The following CA8 variants were observed in gnomAD, a reference collection of about 807,000 sequenced individuals.
CA8 encodes carbonic anhydrase 8 (inactive).
In CA8, 22 loss-of-function variants were observed where a neutral mutation model predicts 41.4. The ratio of observed to expected loss-of-function variants is 0.53; its 90% CI spans 0.38 to 0.76. The LOEUF (loss-of-function observed/expected upper bound fraction) is 0.76, where lower values mean the gene tolerates loss of function less well. Ranked by LOEUF, CA8 falls within the 30% of genes least tolerant of loss-of-function variation. CA8 has a pLI of 0.00. For missense variants in CA8, 270 were observed against 352.8 expected (o/e 0.77, Z 1.88); for synonymous variants, 121 against 130.6 (o/e 0.93, Z 0.50).
At chr8:60,256,057 G>A (rs1009304662) in intron 3 of CA8, among the ~76,000 whole-genome samples, 1 of 151,634 alleles carries the variant, frequency 6.6e-6, no homozygotes, top group Non-Finnish European at 1.5e-5. Context: ...TAAGGCACGT[G>A]CCTATATGCC....
chr8:60,280,666 C>A (rs1184835722), intron 1 of CA8, among the ~76,000 whole-genome samples: 1 of 152,242 alleles, frequency 6.6e-6, no homozygotes, highest in East Asian at 1.9e-4. Flanking sequence ...AAAACGAATT[C>A]TTCACGCTAA....
At chr8:60,217,434 CAT>C (rs1417401792) in intron 7 of CA8, among the ~76,000 whole-genome samples, 5 of 152,188 alleles carry the variant, frequency 3.3e-5, no homozygotes, top group Non-Finnish European at 5.9e-5. Context: ...CTAACCATCA[CAT>C]GAGTCTCCTG....
chr8:60,258,145 T>C (rs1468586211), intron 3 of CA8, among the ~76,000 whole-genome samples: 1 of 152,024 alleles, frequency 6.6e-6, no homozygotes, highest in African/African-American at 2.4e-5. Context: ...CACTTAAGAG[T>C]CTTCTCAGAG....
At chr8:60,241,353 A>T (rs1563364171) in intron 3 of CA8, among the ~76,000 whole-genome samples, 2 of 152,262 alleles carry the variant, frequency 1.3e-5, no homozygotes, top group Non-Finnish European at 2.9e-5. Context: ...AAATAGGGGA[A>T]TGTGACAGAG....
chr8:60,202,163 CCT>C (rs1156833817), intron 8 of CA8, among the ~76,000 whole-genome samples: 1 of 151,838 alleles, frequency 6.6e-6, no homozygotes, highest in Non-Finnish European at 1.5e-5. Flanking sequence ...CCTGCCTCAG[CCT>C]CCTGAGTAGC....
intron 3 of CA8, among the ~76,000 whole-genome samples, chr8:60,253,353 T>G (rs531545644): frequency 6.6e-6 from 1 of 152,322 alleles, no homozygotes; most frequent in Non-Finnish European, 1.5e-5. Flanking sequence ...CTCCCTTTTT[T>G]TTCTATTAAG....
intron 2 of CA8, among the ~76,000 whole-genome samples, chr8:60,270,264 T>A (rs1804027024): frequency 6.6e-6 from 1 of 152,192 alleles, no homozygotes; most frequent in African/African-American, 2.4e-5. Context: ...GCTGCTATCA[T>A]GCCCAGTTAC....
At chr8:60,231,638 C>G (rs1008276717) in intron 4 of CA8, among the ~76,000 whole-genome samples, 1 of 152,178 alleles carries the variant, frequency 6.6e-6, no homozygotes, top group Non-Finnish European at 1.5e-5. Flanking sequence ...ACCTCTAAAT[C>G]TTTTACGATG....
chr8:60,248,314 G>A (rs564466937), intron 3 of CA8, among the ~76,000 whole-genome samples: 14 of 152,244 alleles, frequency 9.2e-5, no homozygotes, highest in Non-Finnish European at 1.3e-4. Context: ...TTTCCGTCAC[G>A]AAATCTTTGC....
chr8:60,279,790 G>A lies in CA8; in HGVS notation c.191C>T (p.Ser64Leu), dbSNP rs1272473136. The change falls in exon 2 of 9, where the codon TCG (serine) becomes TTG (leucine). Residue 64 changes from serine (S) to leucine (L), a missense_variant. Physicochemically the swap from Ser to Leu is moderately radical, Grantham distance 145. Transcript: ENST00000317995. ...LNSREARYDP[S>L]LLDVRLSPNY... ...TGGGGAGAGGCGGACATCCAACAGC[G>A]AGGGGTCATACCTAGCCTCTCTTGA... 5 of 1,614,134 alleles carry A rather than the reference G, an allele frequency of 3.1e-6. No individual in the cohort carries two copies. The South Asian group carries it at 3.3e-5, about 11-fold the overall frequency.
intron 3 of CA8, among the ~76,000 whole-genome samples, chr8:60,253,567 T>A (rs1002576504): frequency 3.3e-5 from 5 of 152,098 alleles, no homozygotes; most frequent in Admixed American, 3.3e-4. Flanking sequence ...CTCGCTGACA[T>A]CATCTACCTG....
chr8:60,262,168 T>C (rs1803753986), intron 3 of CA8, among the ~76,000 whole-genome samples: 1 of 152,126 alleles, frequency 6.6e-6, no homozygotes, highest in Admixed American at 6.5e-5. Context: ...GCAGCAAAGA[T>C]GGCAGTGTCC....
intron 3 of CA8, among the ~76,000 whole-genome samples, chr8:60,249,958 T>C (rs913204500): frequency 2.0e-5 from 3 of 152,194 alleles, no homozygotes; most frequent in Non-Finnish European, 4.4e-5. Flanking sequence ...ACAATCATAA[T>C]ACGCAAAGTG....
chr8:60,225,876 C>G (rs1807421348), intron 5 of CA8, among the ~76,000 whole-genome samples: 1 of 152,178 alleles, frequency 6.6e-6, no homozygotes, highest in African/African-American at 2.4e-5. Flanking sequence ...GTAATCCCAG[C>G]ACTTTGCAAG....
At chr8:60,231,013 ACTTTT>A (rs1807630640) in intron 4 of CA8, among the ~76,000 whole-genome samples, 1 of 152,060 alleles carries the variant, frequency 6.6e-6, no homozygotes, top group African/African-American at 2.4e-5. Flanking sequence ...TTTTATTCTT[ACTTTT>A]AATAATGAGA....
chr8:60,234,685 C>T (rs1807770031), intron 3 of CA8, among the ~76,000 whole-genome samples: 1 of 152,166 alleles, frequency 6.6e-6, no homozygotes, highest in South Asian at 2.1e-4. Context: ...ATGAAAGCAG[C>T]AACAGCAGCT....
At chr8:60,262,245 G>C (rs1279132901) in intron 3 of CA8, among the ~76,000 whole-genome samples, 1 of 150,056 alleles carries the variant, frequency 6.7e-6, no homozygotes, top group Non-Finnish European at 1.5e-5. Flanking sequence ...AAATACCCAA[G>C]AGCCTTAAAT....
chr8:60,263,720 A>G (rs1803812568), intron 3 of CA8, among the ~76,000 whole-genome samples: 1 of 152,102 alleles, frequency 6.6e-6, no homozygotes, highest in Non-Finnish European at 1.5e-5. Context: ...TCCACATGGA[A>G]ACCCTCTCTC....
rs184498075 is a variant in CA8, at chr8:60,206,113, G to T, written c.*35+2637C>A. Among the ~76,000 whole-genome samples, 289 of 152,242 alleles carry T rather than the reference G, an allele frequency of 1.9e-3. 1 individual carries two copies. The highest frequency in any genetic ancestry group is 0.01 in the Middle Eastern group (3 of 294). On this transcript the variant is annotated intron_variant, in intron 8 of 8. Coordinates refer to ENST00000317995, the MANE Select transcript of CA8 (RefSeq NM_004056.6). ...AAGTATTCATAAAAAAATGAAATAA[G>T]AATTAGTCACCTTAGAATTCCTGTA...
Sources: allele counts gnomAD v4.1 joint callset (sites outside exome capture counted in the v4.1 genomes callset), GRCh38; gene constraint gnomAD v4.1.1; transcripts MANE v1.5; gene names NCBI Gene and HGNC (gene_info 2026-07-23, HGNC 2026-07-21).